ECE1: variants seen among roughly 807,000 people sequenced by gnomAD.
ECE1 encodes endothelin converting enzyme 1, also known as endothelin-converting enzyme 1.
Under a neutral mutation model 98.6 loss-of-function variants are expected in ECE1, and 35 were observed. That is an observed-to-expected ratio of 0.35 (90% CI 0.27 to 0.47). The LOEUF (loss-of-function observed/expected upper bound fraction) is 0.47. ECE1 is among the 20% of genes least tolerant of loss of function. The probability of loss-of-function intolerance (pLI) is 1.00; values close to 1 mark genes in which losing one functional copy is unlikely to be tolerated. For synonymous variants in ECE1, 394 were observed against 407.1 expected (o/e 0.97, Z 0.39); for missense variants, 814 against 1,025.3 (o/e 0.79, Z 2.81).
chr1:21,265,388 C>T (rs893410828), intron 4 of ECE1, among the ~76,000 whole-genome samples: 3 of 152,062 alleles, frequency 2.0e-5, no homozygotes, highest in Admixed American at 6.6e-5. Flanking sequence ...AAAAGTTATC[C>T]GGGTGTGGTG....
chr1:21,329,535 A>G (rs1301023650), intron 1 of ECE1, among the ~76,000 whole-genome samples: 1 of 152,178 alleles, frequency 6.6e-6, no homozygotes, highest in Non-Finnish European at 1.5e-5. Context: ...TCTGTGAGTC[A>G]CCTTTCTCAT....
intron 1 of ECE1, among the ~76,000 whole-genome samples, chr1:21,296,274 C>T (rs1393626491): frequency 2.0e-5 from 3 of 151,956 alleles, no homozygotes; most frequent in East Asian, 1.9e-4. Context: ...CTTTGGGAGG[C>T]GAGGTGGGCA....
Position 21,279,182 on chromosome 1 carries a change from G to A in ECE1, c.280+9C>T, listed in dbSNP as rs528244347. The A allele has an allele frequency of 6.2e-7, 1 of 1,614,188 alleles. No homozygotes were observed. Among genetic ancestry groups the A allele is most frequent in the South Asian group, 1.1e-5 (1 of 91,092 alleles). Reference sequence around the variant, plus strand: ...AGTCAAGCCCACCATGCAACACGAAGGCACCTACTTGTCTGGTACTGGATG... The same window carrying A: ...AGTCAAGCCCACCATGCAACACGAAAGCACCTACTTGTCTGGTACTGGATG... On this transcript the variant is annotated intron_variant, in intron 3 of 18. Coordinates refer to ENST00000374893, the MANE Select transcript of ECE1 (RefSeq NM_001397.3).
At chr1:21,337,811 A>T (rs558944229) in intron 1 of ECE1, among the ~76,000 whole-genome samples, 1 of 152,304 alleles carries the variant, frequency 6.6e-6, no homozygotes, top group South Asian at 2.1e-4. Context: ...CAATGCAAAA[A>T]GTGAGGATGC....
intron 1 of ECE1, among the ~76,000 whole-genome samples, chr1:21,329,689 C>G (rs1639154094): frequency 6.6e-6 from 1 of 152,220 alleles, no homozygotes; most frequent in Non-Finnish European, 1.5e-5. Flanking sequence ...GTCTGTGCCT[C>G]CTACCTGCCA....
chr1:21,280,325 C>T (rs947866723), intron 2 of ECE1, among the ~76,000 whole-genome samples: 1 of 152,096 alleles, frequency 6.6e-6, no homozygotes, highest in African/African-American at 2.4e-5. Context: ...CAACTCAGGG[C>T]CATGCTGGAA....
rs772986444 is a variant in ECE1 at position 21,257,505 on chromosome 1, G to A, written c.828+20C>T. On this transcript the variant is annotated intron_variant, in intron 7 of 18. Transcript: ENST00000374893. The stretch of plus-strand genomic sequence containing the variant: ...AGGACCGTGCTGGGAGGCAGGCTGG[G>A]AGGGGAGAGGCACGCTTACCTTCTC... 4 of 1,613,896 alleles carry A rather than the reference G, an allele frequency of 2.5e-6. No individual in the cohort carries two copies. Among genetic ancestry groups the A allele is most frequent in the South Asian group, 1.1e-5 (1 of 91,054 alleles).
At chr1:21,255,852 G>T in intron 8 of ECE1, 95 bp downstream of exon 8, 1 of 1,307,928 alleles carries the variant, frequency 7.6e-7, no homozygotes, top group South Asian at 1.2e-5. Context: ...TAGTTTCAAG[G>T]ACTAGATGAA....
In ECE1 at chr1:21,345,324, C is replaced by A. The variant is rs1332068261; in HGVS notation, c.3+52G>T. On this transcript the variant is annotated intron_variant, in intron 1 of 18. Coordinates refer to the ECE1 transcript ENST00000415912. The surrounding 1 kb of genome is among the most constrained non-coding windows in gnomAD (Gnocchi z 5.1). The stretch of plus-strand genomic sequence containing the variant: ...GTGCCACCCGCGGCACCGCTGCCCG[C>A]GACCGTCGAGGCTGGGCTGGACCGG... 5.2e-6 allele frequency: 7 copies of A among 1,347,664 alleles called. No individual in the cohort carries two copies. The highest frequency in any genetic ancestry group is 4.8e-6 in the Non-Finnish European group (5 of 1,041,690). 83.5% of individuals were successfully genotyped at this position (1,347,664 alleles called of 1,614,324 possible).
At chr1:21,269,261 A>G (rs1380241454) in intron 4 of ECE1, among the ~76,000 whole-genome samples, 1 of 152,190 alleles carries the variant, frequency 6.6e-6, no homozygotes. Context: ...CTTCATATTC[A>G]TGAGTCTCAT....
intron 1 of ECE1, among the ~76,000 whole-genome samples, chr1:21,343,323 G>A (rs1205156096): frequency 1.1e-4 from 17 of 152,190 alleles, no homozygotes. Flanking sequence ...CTAAATGACA[G>A]ACGAAAGTAT....
intron 2 of ECE1, among the ~76,000 whole-genome samples, chr1:21,288,472 A>C (rs1435285949): frequency 6.6e-6 from 1 of 152,254 alleles, no homozygotes; most frequent in Non-Finnish European, 1.5e-5. Flanking sequence ...CGCTGGCTTC[A>C]GAGACGGGGC....
chr1:21,253,566 T>A (rs373751880), intron 8 of ECE1, among the ~76,000 whole-genome samples: 1 of 133,206 alleles, frequency 7.5e-6, no homozygotes. Context: ...ATCGAGACCA[T>A]CCTGGCTAAC....
chr1:21,286,827 G>A (rs2098261023), intron 2 of ECE1, among the ~76,000 whole-genome samples: 1 of 151,802 alleles, frequency 6.6e-6, no homozygotes, highest in African/African-American at 2.4e-5. Context: ...TTGGGAGGCT[G>A]AGGTGAGAGA....
intron 5 of ECE1, among the ~76,000 whole-genome samples, chr1:21,259,040 A>T (rs1282774050): frequency 2.0e-5 from 3 of 152,134 alleles, no homozygotes; most frequent in Admixed American, 2.0e-4. Flanking sequence ...GCAAAGGCTT[A>T]TCCTAGACAA....
intron 1 of ECE1, among the ~76,000 whole-genome samples, chr1:21,302,247 T>C (rs945995643): frequency 2.6e-5 from 4 of 152,222 alleles, no homozygotes; most frequent in Admixed American, 2.0e-4. Flanking sequence ...TGAACAGTCC[T>C]GCCACCTCCC....
intron 8 of ECE1, among the ~76,000 whole-genome samples, chr1:21,253,655 C>T (rs1431988121): frequency 5.3e-5 from 8 of 150,514 alleles, no homozygotes; most frequent in African/African-American, 1.5e-4. Context: ...CCCAGCTACT[C>T]GGGAGGCTGA....
At chr1:21,244,892 C>A in intron 10 of ECE1, 97 bp downstream of exon 10, 2 of 1,182,410 alleles carry the variant, frequency 1.7e-6, no homozygotes, top group South Asian at 2.5e-5. Context: ...TTCTACCCAC[C>A]CCCAGCTGGC....
At chr1:21,283,017 T>C (rs976045998) in intron 2 of ECE1, among the ~76,000 whole-genome samples, 2 of 148,674 alleles carry the variant, frequency 1.3e-5, no homozygotes, top group African/African-American at 5.0e-5. Flanking sequence ...TCTCGGCTCA[T>C]TGCAACCTTG....
Sources: gnomAD v4.1 joint callset for allele counts (sites outside exome capture counted in the v4.1 genomes callset) on GRCh38, gnomAD v4.1.1 for gene constraint, Gnocchi (gnomAD v3.1) non-coding constraint, MANE v1.5 for transcripts, NCBI Gene and HGNC (gene_info 2026-07-23, HGNC 2026-07-21) for gene names.